NFYA: variants seen among roughly 807,000 people sequenced by gnomAD.
NFYA encodes the protein CAAT-box DNA binding protein subunit A.
A neutral mutation model predicts 52.8 loss-of-function variants in NFYA; 28 were observed. The observed-to-expected ratio is 0.53, with a 90% CI of 0.39 to 0.73. NFYA has a LOEUF of 0.73. Among genes scored for constraint, NFYA ranks in the 30% least tolerant of loss-of-function variants. NFYA has a pLI of 0.00. For missense variants in NFYA, 234 were observed against 427.0 expected (o/e 0.55, Z 3.98); for synonymous variants, 150 against 150.7 (o/e 1.00, Z 0.03).
intron 8 of NFYA, among the ~76,000 whole-genome samples, chr6:41,093,307 TAC>T (rs1301517769): frequency 2.0e-5 from 3 of 152,190 alleles, no homozygotes; most frequent in Non-Finnish European, 2.9e-5. Context: ...TTCCTTTTCA[TAC>T]ATAAAAGTAG....
At position 41,080,831 on chromosome 6, in the gene NFYA, T is replaced by C. The variant is rs755564296; in HGVS notation, c.96T>C (p.Ala32=). Residue 32 remains alanine (A), a synonymous_variant, in exon 3 of 10, where the codon GCT becomes GCC. Transcript: ENST00000341376. The stretch of plus-strand genomic sequence containing the variant: ...CTCAGCAGCAGGGTGGTGTCACTGC[T>C]GTGCAGTTGCAGACTGAGGCCCAGG... ...IQQQQQGGVT[A]VQLQTEAQVA... is the part of the protein sequence containing the mutation. 6.2e-7 allele frequency: 1 copy of C among 1,613,976 alleles called. No individual in the cohort carries two copies. Among genetic ancestry groups the C allele is most frequent in the East Asian group, 2.2e-5 (1 of 44,870 alleles).
At chr6:41,094,624 AT>A in intron 9 of NFYA, 127 bp downstream of exon 9, 1 of 646,074 alleles carries the variant, frequency 1.5e-6, no homozygotes, top group South Asian at 1.9e-5. Flanking sequence ...ACTGGATGCA[AT>A]CTTATGTCTC....
intron 1 of NFYA, among the ~76,000 whole-genome samples, chr6:41,078,554 C>T (rs557623795): frequency 6.6e-6 from 1 of 152,162 alleles, no homozygotes; most frequent in East Asian, 1.9e-4. Context: ...CTAATTGTAT[C>T]CTTATTTTTA....
At chr6:41,087,787 C>T (rs1187846115) in intron 4 of NFYA, among the ~76,000 whole-genome samples, 2 of 151,942 alleles carry the variant, frequency 1.3e-5, no homozygotes, top group Non-Finnish European at 2.9e-5. Flanking sequence ...GGTTGTATTG[C>T]AGTTTTTTAG....
intron 9 of NFYA, among the ~76,000 whole-genome samples, chr6:41,096,595 C>T (rs1764362796): frequency 6.6e-6 from 1 of 152,206 alleles, no homozygotes; most frequent in Admixed American, 6.5e-5. Flanking sequence ...GTTCAAGACC[C>T]AGTTCCAGTC....
chr6:41,084,572 T>C (rs1180005406), intron 4 of NFYA, among the ~76,000 whole-genome samples: 1 of 152,180 alleles, frequency 6.6e-6, no homozygotes, highest in African/African-American at 2.4e-5. Flanking sequence ...AAAGGATAAA[T>C]AAAATCTAGA....
intron 6 of NFYA, among the ~76,000 whole-genome samples, chr6:41,091,105 G>A (rs1764187767): frequency 6.6e-6 from 1 of 152,170 alleles, no homozygotes; most frequent in South Asian, 2.1e-4. Context: ...GGAATGCTTG[G>A]TTTAATTTTA....
Position 41,089,655 on chromosome 6 carries a change from C to A in NFYA, c.386C>A (p.Thr129Asn). The A allele has an allele frequency of 6.2e-7, 1 of 1,612,660 alleles. No individual in the cohort carries two copies. Among genetic ancestry groups the A allele is most frequent in the Non-Finnish European group, 8.5e-7 (1 of 1,180,010 alleles). The change falls in exon 5 of 10, where the codon ACC becomes AAC. Residue 129 changes from threonine to asparagine, a missense_variant. Physicochemically the swap from Thr to Asn is moderately conservative, Grantham distance 65. Around this residue, in one of 3 missense-constraint regions of NFYA, gnomAD observed 118 missense variants for 182.4 expected, o/e 0.65. Coordinates refer to ENST00000341376, the MANE Select transcript of NFYA (RefSeq NM_002505.5). The part of the protein sequence containing the change: ...AVQVQGQQGQ[T>N]QQIIIQQPQT... ...CAGGTGCAGGGCCAGCAGGGCCAGACCCAGCAGATCATCATCCAGCAGCCC... is the reference window on the plus strand; with the variant it reads ...CAGGTGCAGGGCCAGCAGGGCCAGAACCAGCAGATCATCATCCAGCAGCCC...
intron 6 of NFYA, 35 bp from the exon 7 acceptor site, chr6:41,091,493 G>T (rs766863453): frequency 4.4e-6 from 7 of 1,607,184 alleles, no homozygotes; most frequent in Non-Finnish European, 8.5e-7. Context: ...CTGTGTGCCT[G>T]TTTTTTGTTT....
chr6:41,088,639 A>G (rs906975992), intron 4 of NFYA, among the ~76,000 whole-genome samples: 1 of 151,694 alleles, frequency 6.6e-6, no homozygotes, highest in Non-Finnish European at 1.5e-5. Context: ...GCTGGAATGC[A>G]GTGGTGCGGA....
rs916070686 is a variant in NFYA, at chr6:41,100,694, T to C, written c.*3284T>C. Among the ~76,000 whole-genome samples, 1 of 152,104 alleles carries C rather than the reference T, an allele frequency of 6.6e-6. No individual in the cohort carries two copies. Among genetic ancestry groups the C allele is most frequent in the Non-Finnish European group, 1.5e-5 (1 of 68,032 alleles). On this transcript the variant is annotated 3_prime_UTR_variant, in exon 10 of 10. Coordinates refer to ENST00000341376, the MANE Select transcript of NFYA (RefSeq NM_002505.5). ...TCAGAGATGACCCAAGATTCTACTC[T>C]GTGGTATGAGGGAAAGACCTCTCGA...
rs1764459304 is a variant in NFYA at position 41,100,109 on chromosome 6, C to G, written c.*2699C>G. On this transcript the variant is annotated 3_prime_UTR_variant, in exon 10 of 10. Transcript: ENST00000341376. Reference sequence around the variant, plus strand: ...GTAAACAGTATCAAACTTGTAATGTCTGAGCCTCTTAGCTTTATCTCCCCT... The same window carrying G: ...GTAAACAGTATCAAACTTGTAATGTGTGAGCCTCTTAGCTTTATCTCCCCT... The G allele has an allele frequency of 6.6e-6, 1 of 152,148 alleles. No individual in the cohort carries two copies. Among genetic ancestry groups the G allele is most frequent in the South Asian group, 2.1e-4 (1 of 4,836 alleles). The allele number at this position is 152,148 out of a possible 1,614,324, so 9.4% of individuals were successfully genotyped here.
intron 7 of NFYA, among the ~76,000 whole-genome samples, chr6:41,092,084 A>T (rs1764212129): frequency 1.3e-5 from 2 of 152,254 alleles, no homozygotes; most frequent in African/African-American, 4.8e-5. Flanking sequence ...AACCAAAAAA[A>T]AAGTGTCATG....
intron 1 of NFYA, among the ~76,000 whole-genome samples, chr6:41,074,486 C>T (rs1763673554): frequency 2.0e-5 from 3 of 152,170 alleles, no homozygotes. Flanking sequence ...AGCTAGCCTC[C>T]GTGAAAGGCT....
rs1428260456 is a variant in NFYA at position 41,094,457 on chromosome 6, G to A, written c.950G>A (p.Arg317Gln). The A allele has an allele frequency of 6.2e-7, 1 of 1,614,064 alleles. No homozygotes were observed. Among genetic ancestry groups the A allele is most frequent in the Non-Finnish European group, 8.5e-7 (1 of 1,180,010 alleles). The change falls in exon 9 of 10, where the codon CGA becomes CAA. Residue 317 changes from arginine to glutamine, a missense_variant. Physicochemically the swap from Arg to Gln is conservative, Grantham distance 43. Transcript: ENST00000341376. ...GCACGGAAGCGTGGTGAAGGTGGAC[G>A]ATTTTTCTCTCCAAAGGAAAAGGAT... is the stretch of plus-strand genomic sequence containing the variant. ...AMARKRGEGG[R>Q]FFSPKEKDSP... is the part of the protein sequence containing the mutation.
At chr6:41,095,256 A>G (rs896143913) in intron 9 of NFYA, among the ~76,000 whole-genome samples, 1 of 152,054 alleles carries the variant, frequency 6.6e-6, no homozygotes, top group Admixed American at 6.6e-5. Flanking sequence ...GCTCCTGTCT[A>G]CCTCTAACTG....
chr6:41,082,821 C>G (rs1763944996), intron 3 of NFYA, among the ~76,000 whole-genome samples: 1 of 152,120 alleles, frequency 6.6e-6, no homozygotes. Flanking sequence ...ATGAGAGAGT[C>G]AGGCTGTAAA....
intron 4 of NFYA, among the ~76,000 whole-genome samples, chr6:41,086,734 A>G (rs564440151): frequency 5.4e-4 from 82 of 152,298 alleles, no homozygotes; most frequent in Middle Eastern, 3.4e-3. Flanking sequence ...ACAGCCAAGA[A>G]ATAGATAGAA....
At chr6:41,073,483 G>C (rs899887173) in intron 1 of NFYA, among the ~76,000 whole-genome samples, 1 of 152,044 alleles carries the variant, frequency 6.6e-6, no homozygotes, top group Non-Finnish European at 1.5e-5. Context: ...CCTCCTGGTC[G>C]TTCTGGCCGC....
Sources: gnomAD v4.1 joint callset for allele counts (sites outside exome capture counted in the v4.1 genomes callset) on GRCh38, gnomAD v4.1.1 for gene constraint, gnomAD v4.1.1 regional missense constraint, MANE v1.5 for transcripts, NCBI Gene and HGNC (gene_info 2026-07-23, HGNC 2026-07-21) for gene names.